The following ARHGEF10 variants were observed in gnomAD, a reference collection of about 807,000 sequenced individuals.
The protein encoded by ARHGEF10 is Rho guanine nucleotide exchange factor 10, also known as Rho guanine nucleotide exchange factor (GEF) 10.
ARHGEF10 carries 140 observed loss-of-function variants against 147.4 expected under a neutral mutation model. That is an observed-to-expected ratio of 0.95 (90% CI 0.83 to 1.09). The LOEUF is 1.09. Among genes scored for constraint, ARHGEF10 ranks in the 50% least tolerant of loss-of-function variants. The pLI, the probability that ARHGEF10 is intolerant of heterozygous loss-of-function variation, is 0.00. For missense variants in ARHGEF10, 2,222 were observed against 1,752.7 expected (o/e 1.27, Z -4.78); for synonymous variants, 902 against 695.8 (o/e 1.30, Z -4.67).
At chr8:1,889,419 G>T (rs559908722) in intron 11 of ARHGEF10, among the ~76,000 whole-genome samples, 1 of 78,062 alleles carries the variant, frequency 1.3e-5, no homozygotes, top group Non-Finnish European at 2.4e-5. Flanking sequence ...GAGACACTGA[G>T]TGGGGTGAGG....
In ARHGEF10 at chr8:1,909,289, T is replaced by G; in HGVS notation, c.1968-6T>G. ...TCGTAAAACAAGGATCTTTTGGTCG[T>G]TTCAGCCCCTCTCATGACAGCCGTG... On this transcript the variant is annotated splice_region_variant and splice_polypyrimidine_tract_variant and intron_variant, in intron 17 of 28. Transcript: ENST00000349830. 6.2e-7 allele frequency: 1 copy of G among 1,614,228 alleles called. No homozygotes were observed. Among genetic ancestry groups the G allele is most frequent in the Non-Finnish European group, 8.5e-7 (1 of 1,180,052 alleles).
Position 1,888,144 on chromosome 8 carries a change from CTTAGTGGGGCGAGGGTTGCGAGGAGACAG to C in ARHGEF10, c.1182+2439_1182+2467del, listed in dbSNP as rs1563233547. Among the ~76,000 whole-genome samples the C allele has an allele frequency of 2.1e-3, 145 of 68,278 alleles. 5 individuals are homozygous for C. The highest frequency in any genetic ancestry group is 7.1e-3 in the African/African-American group (130 of 18,428). The allele number at this position is 68,278 out of a possible 152,430, so 44.8% of individuals were successfully genotyped here. A position where few individuals can be genotyped will look rare whatever the true frequency, so the allele number is the denominator to read the frequency against. ...TGGGGTGAGGGTTTGCGAGGAGACA[CTTAGTGGGGCGAGGGTTGCGAGGAGACAG>C]TGAGTGGGGTGAGGGTTTGCGAGGA... On this transcript the variant is annotated intron_variant, in intron 11 of 28. Coordinates refer to ENST00000349830, the MANE Select transcript of ARHGEF10 (RefSeq NM_014629.4).
chr8:1,864,460 C>T (rs202169947), intron 5 of ARHGEF10, 24 bp downstream of exon 5: 1 of 1,608,222 alleles, frequency 6.2e-7, no homozygotes, highest in African/African-American at 1.3e-5. Context: ...TCTTCCCACA[C>T]CTGCTGAATT....
At chr8:1,874,216 C>G (rs1450121334) in intron 7 of ARHGEF10, among the ~76,000 whole-genome samples, 1 of 152,194 alleles carries the variant, frequency 6.6e-6, no homozygotes, top group African/African-American at 2.4e-5. Flanking sequence ...TGCTGGGGGT[C>G]ACAACAGCAA....
At chr8:1,856,721 G>T (rs1433803867) in intron 2 of ARHGEF10, among the ~76,000 whole-genome samples, 1 of 152,194 alleles carries the variant, frequency 6.6e-6, no homozygotes, top group African/African-American at 2.4e-5. Context: ...CTGGCCCACG[G>T]GGGATTGTCT....
chr8:1,873,651 GGT>G, intron 7 of ARHGEF10, among the ~76,000 whole-genome samples: 2 of 128,352 alleles, frequency 1.6e-5, no homozygotes, highest in African/African-American at 2.9e-5. Flanking sequence ...TGCCTTGAGA[GGT>G]GCCGCGGGGT....
chr8:1,955,849 T>G (rs4876270), intron 28 of ARHGEF10, among the ~76,000 whole-genome samples: 61,257 of 152,182 alleles, frequency 0.4, 12,525 homozygotes, highest in East Asian at 0.55. Context: ...TGTGCAGGGA[T>G]CACAGGTGTG....
intron 1 of ARHGEF10, among the ~76,000 whole-genome samples, chr8:1,834,025 G>A (rs1271951390): frequency 1.3e-5 from 2 of 152,242 alleles, no homozygotes; most frequent in African/African-American, 4.8e-5. Context: ...GGAAGGGTAA[G>A]CAGGGCTGGG....
At chr8:1,864,889 G>A (rs1806453674) in intron 5 of ARHGEF10, among the ~76,000 whole-genome samples, 1 of 152,224 alleles carries the variant, frequency 6.6e-6, no homozygotes, top group Admixed American at 6.5e-5. Context: ...TTCTCCATTA[G>A]AAATTGCAGA....
intron 18 of ARHGEF10, 51 bp downstream of exon 18, chr8:1,909,521 A>G (rs1157203343): frequency 6.2e-7 from 1 of 1,608,944 alleles, no homozygotes; most frequent in African/African-American, 1.3e-5. Flanking sequence ...GGTAACTCTC[A>G]CGTTCATGCT....
At chr8:1,845,898 A>G (rs1388732555) in intron 2 of ARHGEF10, among the ~76,000 whole-genome samples, 2 of 152,136 alleles carry the variant, frequency 1.3e-5, no homozygotes, top group African/African-American at 2.4e-5. Context: ...CTGCAGCAGG[A>G]CACTCCTCTG....
intron 18 of ARHGEF10, among the ~76,000 whole-genome samples, chr8:1,920,733 G>T (rs1218489659): frequency 6.6e-6 from 1 of 152,038 alleles, no homozygotes; most frequent in Admixed American, 6.6e-5. Flanking sequence ...CATTCTGTAA[G>T]GATAAATAAA....
chr8:1,826,180 T>G (rs769268436), intron 1 of ARHGEF10: 1 of 1,525,678 alleles, frequency 6.6e-7, no homozygotes, highest in Non-Finnish European at 8.9e-7. Flanking sequence ...AATTCATTAG[T>G]TGTAGACAGT....
intron 25 of ARHGEF10, among the ~76,000 whole-genome samples, chr8:1,933,255 C>T (rs1417002456): frequency 6.6e-6 from 1 of 152,106 alleles, no homozygotes; most frequent in Non-Finnish European, 1.5e-5. Context: ...TAGAGCAAGG[C>T]ACATGTTAGA....
intron 27 of ARHGEF10, 92 bp downstream of exon 27, chr8:1,945,747 C>A: frequency 6.6e-7 from 1 of 1,520,042 alleles, no homozygotes; most frequent in Non-Finnish European, 9.1e-7. Context: ...TAGCGCTTCC[C>A]AGTGCAGGAC....
chr8:1,936,052 C>T (rs1346873577), intron 26 of ARHGEF10, among the ~76,000 whole-genome samples: 2 of 152,136 alleles, frequency 1.3e-5, no homozygotes, highest in African/African-American at 2.4e-5. Flanking sequence ...TACATACTTC[C>T]CCTCACACCT....
chr8:1,841,817 GGCGGGA>G, intron 1 of ARHGEF10, among the ~76,000 whole-genome samples: 1 of 110,076 alleles, frequency 9.1e-6, no homozygotes, highest in Non-Finnish European at 2.2e-5. Flanking sequence ...CTGGGGCCGC[GGCGGGA>G]ACTGGGGCCG....
chr8:1,898,571 C>A lies in ARHGEF10; in HGVS notation c.1650+46C>A, dbSNP rs765738797. ...TCCTCAAGCTAGTCCTCTGGCTCGC[C>A]CATGACTCATTTGAAAATGGCGTCT... On this transcript the variant is annotated intron_variant, in intron 15 of 28. Transcript: ENST00000349830. 7 of 1,572,550 alleles carry A rather than the reference C, an allele frequency of 4.5e-6. No individual in the cohort carries two copies. In the South Asian group the frequency reaches 7.8e-5, roughly 17 times the overall value.
At chr8:1,862,775 CTTTTT>C (rs10594929) in intron 4 of ARHGEF10, among the ~76,000 whole-genome samples, 103 of 120,486 alleles carry the variant, frequency 8.5e-4, no homozygotes, top group African/African-American at 2.7e-3. Flanking sequence ...TTTTCTTCTT[CTTTTT>C]TTTTTTTTTT....
Sources: gnomAD v4.1 joint callset for allele counts (sites outside exome capture counted in the v4.1 genomes callset) on GRCh38, gnomAD v4.1.1 for gene constraint, MANE v1.5 for transcripts, NCBI Gene and HGNC (gene_info 2026-07-23, HGNC 2026-07-21) for gene names.